The following DNAH17 variants were observed in gnomAD, a reference collection of about 807,000 sequenced individuals.
DNAH17 encodes the protein axonemal beta dynein heavy chain 17.
A neutral mutation model predicts 485.6 loss-of-function variants in DNAH17; 376 were observed. The ratio of observed to expected loss-of-function variants is 0.77; its 90% CI spans 0.71 to 0.84. The LOEUF is 0.84. DNAH17 is among the 40% of genes least tolerant of loss of function. DNAH17 has a pLI of 0.00. For missense variants in DNAH17, 6,370 were observed against 5,839.3 expected, an observed-to-expected ratio of 1.09 and a Z score of -2.96; for synonymous variants, 3,031 against 2,405.9, an observed-to-expected ratio of 1.26 and a Z score of -7.60.
chr17:78,432,270 T>C (rs2086702837), intron 75 of DNAH17, among the ~76,000 whole-genome samples: 1 of 152,116 alleles, frequency 6.6e-6, no homozygotes, highest in South Asian at 2.1e-4. Flanking sequence ...CTCTGCGTGG[T>C]TTGGCCGTCT....
At chr17:78,526,563 T>G in intron 24 of DNAH17, 88 bp downstream of exon 24, 2 of 1,196,880 alleles carry the variant, frequency 1.7e-6, no homozygotes, top group Non-Finnish European at 2.3e-6. Flanking sequence ...GAGACCACGT[T>G]TCTGGACTTG....
Position 78,553,304 on chromosome 17 carries a change from TTTTTTTTTTTTTTTTA to T in DNAH17, c.2179-515_2179-500del, listed in dbSNP as rs1425013874. Among the ~76,000 whole-genome samples, 83 of 77,414 alleles carry T rather than the reference TTTTTTTTTTTTTTTTA, an allele frequency of 1.1e-3. 1 individual carries two copies. The highest frequency in any genetic ancestry group is 6.8e-3 in the South Asian group (14 of 2,072). The allele number at this position is 77,414 out of a possible 152,430, so 50.8% of individuals were successfully genotyped here. ...TTGTGTTTTTTTTTTTTTTTTTTTT[TTTTTTTTTTTTTTTTA>T]AGATGGAGTCTCACTCTGTCACCCA... On this transcript the variant is annotated intron_variant, in intron 14 of 80. Coordinates refer to ENST00000389840, the MANE Select transcript of DNAH17 (RefSeq NM_173628.4).
chr17:78,562,065 A>G, intron 11 of DNAH17, 85 bp from the exon 12 acceptor site: 4 of 1,461,764 alleles, frequency 2.7e-6, no homozygotes, highest in Non-Finnish European at 3.6e-6. Flanking sequence ...GGGCAGGGCC[A>G]ATCTTCAGGA....
intron 44 of DNAH17, among the ~76,000 whole-genome samples, chr17:78,489,157 C>A (rs1396850910): frequency 6.6e-6 from 1 of 152,190 alleles, no homozygotes; most frequent in East Asian, 1.9e-4. Flanking sequence ...CACTTGGTAT[C>A]CCTCTCAAAC....
intron 74 of DNAH17, 23 bp from the exon 75 acceptor site, chr17:78,434,243 A>G: frequency 6.3e-7 from 1 of 1,588,518 alleles, no homozygotes; most frequent in Non-Finnish European, 8.6e-7. Context: ...CGCTCCGGTC[A>G]GGTATTAGGG....
intron 80 of DNAH17, chr17:78,424,468 A>G (rs2086319171): frequency 3.0e-6 from 1 of 336,338 alleles, no homozygotes; most frequent in African/African-American, 2.0e-5. Flanking sequence ...AACTCCAGCT[A>G]AAAATTACAG....
intron 54 of DNAH17, among the ~76,000 whole-genome samples, chr17:78,474,911 A>G (rs2088939900): frequency 8.1e-6 from 1 of 123,366 alleles, no homozygotes; most frequent in Admixed American, 7.8e-5. Context: ...GAGGTTTCAC[A>G]CGCTTCACCT....
At chr17:78,440,755 C>T (rs541951528) in intron 72 of DNAH17, among the ~76,000 whole-genome samples, 6 of 152,268 alleles carry the variant, frequency 3.9e-5, no homozygotes, top group East Asian at 3.9e-4. Context: ...TATACTCAGG[C>T]GTGGAATTGC....
At chr17:78,428,844 C>T (rs1404388307) in intron 76 of DNAH17, 137 bp from the exon 77 acceptor site, 7 of 1,111,354 alleles carry the variant, frequency 6.3e-6, no homozygotes, top group Non-Finnish European at 7.8e-6. Context: ...TCCCAGCCCC[C>T]TTTGTGGGCT....
intron 26 of DNAH17, among the ~76,000 whole-genome samples, chr17:78,514,359 G>T (rs1159474609): frequency 6.6e-6 from 1 of 151,964 alleles, no homozygotes; most frequent in African/African-American, 2.4e-5. Context: ...ACAAAAATTA[G>T]CTGGGTGTGG....
chr17:78,508,787 A>G (rs2085349387), intron 27 of DNAH17, among the ~76,000 whole-genome samples: 1 of 151,848 alleles, frequency 6.6e-6, no homozygotes, highest in African/African-American at 2.4e-5. Flanking sequence ...TGTTAATTCT[A>G]TTTTTTATTT....
At position 78,543,992 on chromosome 17, in the gene DNAH17, C is replaced by T. The variant is rs1243810059; in HGVS notation, c.2397G>A (p.Trp799Ter). The T allele has an allele frequency of 3.1e-6, 5 of 1,613,870 alleles. No homozygotes were observed. Among genetic ancestry groups the T allele is most frequent in the African/African-American group, 2.7e-5 (2 of 74,924 alleles). Residue 799 changes from tryptophan (W) to a stop codon, truncating the protein, a stop_gained, in exon 17 of 81, where the codon TGG becomes TGA. Transcript: ENST00000389840. LOFTEE classifies it high-confidence loss of function. The stretch of plus-strand genomic sequence containing the variant: ...TTCTTTCAAACAGCGGGTTGGCCGA[C>T]CAGTCCTGGAAGGAAAGCACAGGAG... ...IEGISQAMKD[W>*]SANPLFERKD...
At chr17:78,461,789 G>A in intron 57 of DNAH17, 81 bp from the exon 58 acceptor site, 1 of 1,424,230 alleles carries the variant, frequency 7.0e-7, no homozygotes, top group Non-Finnish European at 9.4e-7. Flanking sequence ...ACGAGGGCTG[G>A]GAGCCACAGA....
rs143923489 is a variant in DNAH17, at chr17:78,490,401, C to A, written c.6818+298G>T. Among the ~76,000 whole-genome samples the A allele has an allele frequency of 2.9e-3, 440 of 152,312 alleles. 5 individuals are homozygous for A. Among genetic ancestry groups the A allele is most frequent in the South Asian group, 0.011 (51 of 4,830 alleles). On this transcript the variant is annotated intron_variant, in intron 44 of 80. Coordinates refer to ENST00000389840, the MANE Select transcript of DNAH17 (RefSeq NM_173628.4). ...TGGATGGCAGCCCAAACTTCAATCA[C>A]CTGGGAAGACTTCCCACCTCCACAG...
At chr17:78,475,889 G>T in intron 52 of DNAH17, 56 bp from the exon 53 acceptor site, 1 of 1,577,630 alleles carries the variant, frequency 6.3e-7, no homozygotes. Flanking sequence ...TGACCACACA[G>T]ATAGTTAACA....
At chr17:78,468,110 G>A (rs547667949) in intron 55 of DNAH17, among the ~76,000 whole-genome samples, 11 of 150,684 alleles carry the variant, frequency 7.3e-5, no homozygotes, top group Non-Finnish European at 1.0e-4. Context: ...ACATAGAGTC[G>A]GTTGTCTGTC....
At chr17:78,471,942 T>A (rs2088772003) in intron 54 of DNAH17, among the ~76,000 whole-genome samples, 1 of 152,212 alleles carries the variant, frequency 6.6e-6, no homozygotes, top group Admixed American at 6.5e-5. Flanking sequence ...CCTCCGGGCC[T>A]GGCCCCAGGG....
At chr17:78,564,891 T>G (rs1032210228) in intron 11 of DNAH17, among the ~76,000 whole-genome samples, 1 of 151,854 alleles carries the variant, frequency 6.6e-6, no homozygotes, top group Non-Finnish European at 1.5e-5. Flanking sequence ...AGGAAGGAAG[T>G]GAGGACCCTG....
At chr17:78,549,129 T>C (rs2091843596) in intron 16 of DNAH17, among the ~76,000 whole-genome samples, 1 of 152,172 alleles carries the variant, frequency 6.6e-6, no homozygotes, top group South Asian at 2.1e-4. Flanking sequence ...CTCCCAAAAT[T>C]CACATATTCG....
Sources: gnomAD v4.1 joint callset for allele counts (sites outside exome capture counted in the v4.1 genomes callset) on GRCh38, gnomAD v4.1.1 for gene constraint, MANE v1.5 for transcripts, NCBI Gene and HGNC (gene_info 2026-07-23, HGNC 2026-07-21) for gene names.